The following TCF20 variants were observed in gnomAD, a reference collection of about 807,000 sequenced individuals.
TCF20 encodes SPRE-binding protein.
Under a neutral mutation model 148.6 loss-of-function variants are expected in TCF20, and 3 were observed. The observed-to-expected ratio is 0.02, with a 90% confidence interval of 0.01 to 0.05. The LOEUF is 0.05. Among genes scored for constraint, TCF20 ranks in the 10% least tolerant of loss-of-function variants. The pLI is 1.00. For synonymous variants in TCF20, 1,049 were observed against 909.5 expected, an observed-to-expected ratio of 1.15 and a Z score of -2.76; for missense variants, 2,350 against 2,429.3, an observed-to-expected ratio of 0.97 and a Z score of 0.69.
At chr22:42,241,029 T>C (rs1924353686) in intron 1 of TCF20, among the ~76,000 whole-genome samples, 1 of 152,122 alleles carries the variant, frequency 6.6e-6, no homozygotes, top group Non-Finnish European at 1.5e-5. Context: ...CTAATTTCTG[T>C]ATTTTTAGTA....
rs549714628 is a variant in TCF20, at chr22:42,320,560, C to T, written c.-37+22919G>A. On this transcript the variant is annotated intron_variant, in intron 1 of 1. Transcript: ENST00000515426. The stretch of plus-strand genomic sequence containing the variant: ...TTTATTTGTCCATCAAGTGAACATC[C>T]CTCTCCCCTAGCACTTCATCTCCAG... Among the ~76,000 whole-genome samples, 3 of 152,348 alleles carry T rather than the reference C, an allele frequency of 2.0e-5. 1 individual carries two copies. In the South Asian group the frequency reaches 6.2e-4, roughly 32 times the overall value.
chr22:42,225,582 C>T (rs1388517454), intron 1 of TCF20, among the ~76,000 whole-genome samples: 9 of 148,928 alleles, frequency 6.0e-5, no homozygotes, highest in Non-Finnish European at 1.3e-4. Context: ...CCACTGCAGT[C>T]CGCAGTCCGG....
intron 1 of TCF20, among the ~76,000 whole-genome samples, chr22:42,328,448 C>G (rs1269933118): frequency 6.6e-6 from 1 of 152,216 alleles, no homozygotes; most frequent in Non-Finnish European, 1.5e-5. Flanking sequence ...CCCAGTCCCA[C>G]AAGGCTCAAG....
At position 42,198,399 on chromosome 22, in the gene TCF20, C is replaced by T. The variant is rs1048092420; in HGVS notation, c.5655+11252G>A. ...AGTACATGTTAGCAGTCATTACAGT[C>T]ATTCCTGGCATCCATGGAGGACTGG... On this transcript the variant is annotated intron_variant, in intron 2 of 5. Coordinates refer to ENST00000677622, the MANE Select transcript of TCF20 (RefSeq NM_001378418.1). Among the ~76,000 whole-genome samples the T allele has an allele frequency of 2.6e-4, 39 of 152,198 alleles. 1 individual carries two copies. Among genetic ancestry groups the T allele is most frequent in the African/African-American group, 9.4e-4 (39 of 41,460 alleles).
intron 5 of TCF20, 36 bp from the exon 6 acceptor site, chr22:42,161,394 C>T (rs1308234869): frequency 1.2e-6 from 2 of 1,613,884 alleles, no homozygotes; most frequent in African/African-American, 2.7e-5. Context: ...AGGCCAGGAG[C>T]CTCCACAGGG....
rs149307442 is a variant in TCF20 at position 42,233,828 on chromosome 22, A to G, written c.-36-18487T>C. The stretch of plus-strand genomic sequence containing the variant: ...TCTGAACCTCACCTCTCACTGAGGC[A>G]TAAGGAAAGGCAGGTTAATTTTCAC... On this transcript the variant is annotated intron_variant, in intron 1 of 5. Transcript: ENST00000677622. Among the ~76,000 whole-genome samples, 248 of 152,342 alleles carry G rather than the reference A, an allele frequency of 1.6e-3. 1 individual carries two copies. Among genetic ancestry groups the G allele is most frequent in the African/African-American group, 5.7e-3 (238 of 41,584 alleles).
chr22:42,342,193 T>C (rs188907082), intron 1 of TCF20, among the ~76,000 whole-genome samples: 1 of 152,082 alleles, frequency 6.6e-6, no homozygotes, highest in African/African-American at 2.4e-5. Flanking sequence ...GAGCTGCATT[T>C]AAAATGATAG....
intron 1 of TCF20, among the ~76,000 whole-genome samples, chr22:42,238,312 G>C (rs559246753): frequency 7.9e-5 from 12 of 152,212 alleles, no homozygotes; most frequent in Non-Finnish European, 1.8e-4. Flanking sequence ...GAAGTGAAAA[G>C]AGAAAGTCTT....
At chr22:42,304,901 G>A (rs776492415) in intron 1 of TCF20, among the ~76,000 whole-genome samples, 2 of 152,044 alleles carry the variant, frequency 1.3e-5, no homozygotes, top group Non-Finnish European at 2.9e-5. Context: ...CTGGAGTCCC[G>A]TGACCTCCAG....
upstream of TCF20, among the ~76,000 whole-genome samples, chr22:42,272,020 T>TG (rs1299016172): frequency 1.3e-5 from 2 of 152,154 alleles, no homozygotes; most frequent in Admixed American, 1.3e-4. Flanking sequence ...AGCATGTACT[T>TG]GGGGAAGGCA....
chr22:42,238,157 T>C (rs772401639), intron 1 of TCF20, among the ~76,000 whole-genome samples: 2 of 152,226 alleles, frequency 1.3e-5, no homozygotes, highest in Non-Finnish European at 2.9e-5. Context: ...CTACATCTTC[T>C]AGATAACTTG....
At chr22:42,265,437 T>C (rs543031380) in intron 1 of TCF20, among the ~76,000 whole-genome samples, 1 of 152,196 alleles carries the variant, frequency 6.6e-6, no homozygotes, top group Non-Finnish European at 1.5e-5. Flanking sequence ...GCCTCCTGAA[T>C]AGTCTGGACT....
chr22:42,263,763 T>C (rs148423304), intron 1 of TCF20, among the ~76,000 whole-genome samples: 95 of 152,236 alleles, frequency 6.2e-4, no homozygotes, highest in African/African-American at 2.1e-3. Flanking sequence ...TATCTTAAGA[T>C]TGGAACTACA....
At chr22:42,201,893 A>T (rs1938054061) in intron 2 of TCF20, among the ~76,000 whole-genome samples, 1 of 152,222 alleles carries the variant, frequency 6.6e-6, no homozygotes, top group Non-Finnish European at 1.5e-5. Flanking sequence ...TTTACTTAAC[A>T]TGCAAGGTAG....
intron 1 of TCF20, among the ~76,000 whole-genome samples, chr22:42,266,584 C>T (rs1926298871): frequency 6.6e-6 from 1 of 151,666 alleles, no homozygotes; most frequent in African/African-American, 2.4e-5. Context: ...TCGAGACTGG[C>T]CTGGCCAAGA....
intron 2 of TCF20, among the ~76,000 whole-genome samples, chr22:42,204,873 T>G (rs1394616485): frequency 6.6e-6 from 1 of 151,804 alleles, no homozygotes; most frequent in Non-Finnish European, 1.5e-5. Context: ...AAATAAAAAT[T>G]AACCTAAAAC....
intron 1 of TCF20, among the ~76,000 whole-genome samples, chr22:42,323,398 T>C (rs573339093): frequency 2.6e-5 from 4 of 151,714 alleles, no homozygotes; most frequent in Non-Finnish European, 5.9e-5. Context: ...CTGAGGACAT[T>C]GCAGCAGGAA....
In TCF20 at chr22:42,212,214, T is replaced by C. The variant is rs907270614; in HGVS notation, c.3092A>G (p.His1031Arg). Residue 1031 changes from histidine to arginine, a missense_variant, in exon 2 of 6, where the codon CAT becomes CGT. Around this residue, in one of 7 missense-constraint regions of TCF20, gnomAD observed 1,641 missense variants for 1,662.6 expected, o/e 0.99. Transcript: ENST00000677622. Reference protein sequence around the residue: ...GRSRGPGGDPHHMNPHMTFSE... With the variant: ...GRSRGPGGDPRHMNPHMTFSE... Reference sequence around the variant, plus strand: ...AAAGGTCATGTGTGGATTCATGTGATGAGGGTCTCCCCCTGGGCCTCTGCT... The same window carrying C: ...AAAGGTCATGTGTGGATTCATGTGACGAGGGTCTCCCCCTGGGCCTCTGCT... 3 of 1,614,250 alleles carry C rather than the reference T, an allele frequency of 1.9e-6. No individual in the cohort carries two copies. Among genetic ancestry groups the C allele is most frequent in the East Asian group, 2.2e-5 (1 of 44,888 alleles).
chr22:42,193,171 AAAAAG>A (rs1937423388), intron 2 of TCF20, among the ~76,000 whole-genome samples: 1 of 152,160 alleles, frequency 6.6e-6, no homozygotes, highest in South Asian at 2.1e-4. Context: ...GAAAAAGGAA[AAAAAG>A]AAAAGGAAAC....
Sources: allele counts gnomAD v4.1 joint callset (sites outside exome capture counted in the v4.1 genomes callset), GRCh38; gene constraint gnomAD v4.1.1; regional missense constraint gnomAD v4.1.1; transcripts MANE v1.5; gene names NCBI Gene and HGNC (gene_info 2026-07-23, HGNC 2026-07-21).